The following ZNF461 variants were observed in gnomAD, a reference collection of about 807,000 sequenced individuals.
ZNF461 encodes zinc finger protein 461.
A neutral mutation model predicts 18.3 loss-of-function variants in ZNF461; 16 were observed. The ratio of observed to expected loss-of-function variants is 0.88; its 90% confidence interval spans 0.59 to 1.33. ZNF461 has a LOEUF of 1.33. Among genes scored for constraint, ZNF461 ranks in the 40% most tolerant of loss-of-function variants. The probability of loss-of-function intolerance (pLI) is 0.00; values close to 1 mark genes in which losing one functional copy is unlikely to be tolerated. For missense variants in ZNF461, 595 were observed against 669.9 expected, an observed-to-expected ratio of 0.89 and a Z score of 1.23; for synonymous variants, 179 against 216.9, an observed-to-expected ratio of 0.83 and a Z score of 1.54.
chr19:36,654,196 T>C (rs1290083881), intron 4 of ZNF461, among the ~76,000 whole-genome samples: 1 of 152,136 alleles, frequency 6.6e-6, no homozygotes, highest in Non-Finnish European at 1.5e-5. Flanking sequence ...CCTACCCAGG[T>C]ATAAAAAAAC....
intron 4 of ZNF461, 103 bp downstream of exon 4, chr19:36,656,345 A>T: frequency 1.1e-6 from 1 of 905,184 alleles, no homozygotes; most frequent in Non-Finnish European, 1.8e-6. Flanking sequence ...ATATGTTTTG[A>T]AATCAGGTTT....
chr19:36,658,516 A>G, intron 2 of ZNF461, 91 bp from the exon 3 acceptor site: 1 of 1,309,022 alleles, frequency 7.6e-7, no homozygotes, highest in Non-Finnish European at 1.1e-6. Context: ...ACTGCAAGGA[A>G]GGAGACAGTC....
intron 5 of ZNF461, among the ~76,000 whole-genome samples, chr19:36,642,643 C>T (rs895174731): frequency 2.0e-5 from 3 of 150,416 alleles, no homozygotes; most frequent in Admixed American, 1.3e-4. Flanking sequence ...AAACAATTCA[C>T]TTAGGGCTGT....
At chr19:36,648,040 G>A (rs1028125699) in intron 4 of ZNF461, among the ~76,000 whole-genome samples, 5 of 152,120 alleles carry the variant, frequency 3.3e-5, no homozygotes, top group Non-Finnish European at 7.3e-5. Context: ...AATTAGCTGG[G>A]TGTGGTGGCA....
chr19:36,639,029 T>G lies in ZNF461; in HGVS notation c.1316A>C (p.Lys439Thr), dbSNP rs1459683993. 1.2e-6 allele frequency: 2 copies of G among 1,614,062 alleles called. No homozygotes were observed. The highest frequency in any genetic ancestry group is 1.7e-6 in the Non-Finnish European group (2 of 1,180,010). ...TLHQRIHTGE[K>T]PYECKECGKT... ...CCCACATTCCTTACACTCATAGGGT[T>G]TCTCACCAGTATGAATCCTCTGATG... The change falls in exon 6 of 6, where the codon AAA becomes ACA. Residue 439 changes from lysine (K) to threonine (T), a missense_variant. Lys to Thr is a moderately conservative substitution (Grantham distance 78, BLOSUM62 -1). Transcript: ENST00000588268.
chr19:36,651,478 G>GA (rs550298062), intron 4 of ZNF461, among the ~76,000 whole-genome samples: 9 of 150,456 alleles, frequency 6.0e-5, no homozygotes, highest in African/African-American at 2.2e-4. Flanking sequence ...GAATCTCTAA[G>GA]AAAAAAAAAC....
intron 4 of ZNF461, chr19:36,645,245 T>C (rs1163359485): frequency 6.6e-6 from 1 of 151,996 alleles, no homozygotes; most frequent in Non-Finnish European, 1.5e-5. Flanking sequence ...ACAAAAAAGA[T>C]CTGTTGTATA....
In ZNF461 at chr19:36,658,297, AC is replaced by A; in HGVS notation, c.136+1del. The A allele has an allele frequency of 1.2e-6, 2 of 1,605,740 alleles. No homozygotes were observed. The highest frequency in any genetic ancestry group is 1.7e-6 in the Non-Finnish European group (2 of 1,175,802). The stretch of plus-strand genomic sequence containing the variant: ...AGGTTCTTAATTTTTAGATAACTTT[AC>A]CAAGTGACACCAAGTTGCTATAATT... On this transcript the variant is annotated splice_donor_variant, in intron 3 of 5. Coordinates refer to ENST00000588268, the MANE Select transcript of ZNF461 (RefSeq NM_153257.5). LOFTEE classifies it high-confidence loss of function.
Position 36,638,984 on chromosome 19 carries a change from G to C in ZNF461, c.1361C>G (p.Ser454Ter), listed in dbSNP as rs764102765. 1 of 1,614,062 alleles carries C rather than the reference G, an allele frequency of 6.2e-7. No homozygotes were observed. The change falls in exon 6 of 6, where the codon TCA (serine) becomes TGA (stop). Residue 454 changes from serine to a stop codon, truncating the protein, a stop_gained. Coordinates refer to ENST00000588268, the MANE Select transcript of ZNF461 (RefSeq NM_153257.5). LOFTEE classifies it low-confidence loss of function (END_TRUNC). Reference sequence around the variant, plus strand: ...AATTCTCTGATGTCTTTTGAGGTGTGAACACTGTCTAAAAGTCTTCCCACA... The same window carrying C: ...AATTCTCTGATGTCTTTTGAGGTGTCAACACTGTCTAAAAGTCTTCCCACA... ...KECGKTFRQC[S>*]HLKRHQRIHT...
At position 36,658,303 on chromosome 19, in the gene ZNF461, T is replaced by C. The variant is rs1321257247; in HGVS notation, c.132A>G (p.Ser44=). The C allele has an allele frequency of 6.2e-7, 1 of 1,607,404 alleles. No homozygotes were observed. Among genetic ancestry groups the C allele is most frequent in the South Asian group, 1.1e-5 (1 of 89,690 alleles). ...VMLENYSNLV[S]LGLSVSKPAV... ...TTAATTTTTAGATAACTTTACCAAGTGACACCAAGTTGCTATAATTCTCCA... is the reference window on the plus strand; with the variant it reads ...TTAATTTTTAGATAACTTTACCAAGCGACACCAAGTTGCTATAATTCTCCA... The change falls in exon 3 of 6, where the codon TCA becomes TCG. Residue 44 remains serine (S), a synonymous_variant. Coordinates refer to ENST00000588268, the MANE Select transcript of ZNF461 (RefSeq NM_153257.5).
At chr19:36,641,564 TA>T (rs959572964) in intron 5 of ZNF461, among the ~76,000 whole-genome samples, 3 of 149,236 alleles carry the variant, frequency 2.0e-5, no homozygotes, top group Middle Eastern at 3.2e-3. Context: ...AATATATATA[TA>T]TGTTTTTTTA....
At chr19:36,661,036 C>T (rs1401676841) in intron 2 of ZNF461, among the ~76,000 whole-genome samples, 1 of 152,030 alleles carries the variant, frequency 6.6e-6, no homozygotes, top group Non-Finnish European at 1.5e-5. Context: ...CCCAGTAAGC[C>T]ACTGCAGGGA....
At chr19:36,643,719 C>T (rs1489396806) in intron 5 of ZNF461, 75 bp downstream of exon 5, 8 of 1,391,732 alleles carry the variant, frequency 5.7e-6, no homozygotes, top group Admixed American at 5.9e-5. Context: ...GGGGAATAAA[C>T]ATGTACTTTC....
In ZNF461 at chr19:36,656,490, G is replaced by A; in HGVS notation, c.190C>T (p.Pro64Ser). ...VISSLEQGKE[P>S]WMVVREETGR... ...GTCTCTTCCCTCACAACCATCCAGG[G>A]CTCCTTCCCTTGCTCCAATGAGGAG... Residue 64 changes from proline (P) to serine (S), a missense_variant, in exon 4 of 6, where the codon CCC becomes TCC. Coordinates refer to ENST00000588268, the MANE Select transcript of ZNF461 (RefSeq NM_153257.5). 6.2e-7 allele frequency: 1 copy of A among 1,614,088 alleles called. No individual in the cohort carries two copies. The highest frequency in any genetic ancestry group is 8.5e-7 in the Non-Finnish European group (1 of 1,180,012).
intron 2 of ZNF461, among the ~76,000 whole-genome samples, chr19:36,660,968 TA>T (rs1056328962): frequency 7.9e-5 from 12 of 151,650 alleles, no homozygotes; most frequent in Admixed American, 7.2e-4. Context: ...TATATGACAA[TA>T]AAAAAGATGG....
At position 36,661,280 on chromosome 19, in the gene ZNF461, TA is replaced by T. The variant is rs74313312; in HGVS notation, c.10-2856del. Among the ~76,000 whole-genome samples, 126 of 145,430 alleles carry T rather than the reference TA, an allele frequency of 8.7e-4. 1 individual carries two copies. In the East Asian group the frequency reaches 9.8e-3, roughly 11 times the overall value. On this transcript the variant is annotated intron_variant, in intron 2 of 5. Coordinates refer to ENST00000588268, the MANE Select transcript of ZNF461 (RefSeq NM_153257.5). ...GAAACAGAGCATGACCCAGTCTCTT[TA>T]AAAAAAAAAAAGAGTACCCAATTGT...
Position 36,637,723 on chromosome 19 carries a change from A to C in ZNF461, c.*930T>G. On this transcript the variant is annotated 3_prime_UTR_variant, in exon 6 of 6. Transcript: ENST00000588268. ...GAAGTAGGCCAAATGTGGACTAATA[A>C]TGAGAATGTGTAATAAATCACATAT... The C allele has an allele frequency of 2.9e-6, 1 of 346,794 alleles. No homozygotes were observed. 21.5% of individuals were successfully genotyped at this position (346,794 alleles called of 1,614,324 possible).
rs1044932330 is a variant in ZNF461, at chr19:36,638,523, A to G, written c.*130T>C. 4.3e-6 allele frequency: 3 copies of G among 705,306 alleles called. No individual in the cohort carries two copies. The South Asian group carries it at 8.2e-5, about 19-fold the overall frequency. The allele number at this position is 705,306 out of a possible 1,614,324, so 43.7% of individuals were successfully genotyped here. A position where few individuals can be genotyped will look rare whatever the true frequency, so the allele number is the denominator to read the frequency against. The stretch of plus-strand genomic sequence containing the variant: ...TGAGACCAAAATTTACACTTTAGTT[A>G]TCCACTTTCTCACTTAAAAACATTT... On this transcript the variant is annotated 3_prime_UTR_variant, in exon 6 of 6. Coordinates refer to ENST00000588268, the MANE Select transcript of ZNF461 (RefSeq NM_153257.5).
Position 36,662,606 on chromosome 19 carries a change from C to G in ZNF461, c.9+2092G>C, listed in dbSNP as rs973506574. ...TTGTTTCTTGTTTCAATATGCAATG[C>G]TATCATTGATTACTAAAAATTCTTT... On this transcript the variant is annotated intron_variant, in intron 2 of 5. Coordinates refer to ENST00000588268, the MANE Select transcript of ZNF461 (RefSeq NM_153257.5). Among the ~76,000 whole-genome samples the G allele has an allele frequency of 3.9e-5, 6 of 152,182 alleles. No homozygotes were observed. The East Asian group carries it at 1.2e-3, about 29-fold the overall frequency.
Sources: gnomAD v4.1 joint callset for allele counts (sites outside exome capture counted in the v4.1 genomes callset) on GRCh38, gnomAD v4.1.1 for gene constraint, MANE v1.5 for transcripts, NCBI Gene and HGNC (gene_info 2026-07-23, HGNC 2026-07-21) for gene names.